Variants in THSD7B observed in about 807,000 individuals in gnomAD.
The protein encoded by THSD7B is thrombospondin type-1 domain-containing protein 7B.
Under a neutral mutation model 213.6 loss-of-function variants are expected in THSD7B, and 138 were observed. That is an observed-to-expected ratio of 0.65 (90% CI 0.56 to 0.74). The LOEUF is 0.74. Among genes scored for constraint, THSD7B ranks in the 30% least tolerant of loss-of-function variants. The probability of loss-of-function intolerance (pLI) is 0.00; values close to 1 mark genes in which losing one functional copy is unlikely to be tolerated. For missense variants in THSD7B, 1,931 were observed against 1,991.5 expected, an observed-to-expected ratio of 0.97 and a Z score of 0.58; for synonymous variants, 742 against 687.0, an observed-to-expected ratio of 1.08 and a Z score of -1.25.
intron 15 of THSD7B, among the ~76,000 whole-genome samples, chr2:137,504,526 C>T (rs1292333235): frequency 6.6e-6 from 1 of 152,134 alleles, no homozygotes; most frequent in Non-Finnish European, 1.5e-5. Flanking sequence ...GTGCTTTCAA[C>T]AAGGAAAGGT....
intron 14 of THSD7B, among the ~76,000 whole-genome samples, chr2:137,416,422 T>G (rs961715813): frequency 1.3e-5 from 2 of 152,202 alleles, no homozygotes; most frequent in Non-Finnish European, 2.9e-5. Flanking sequence ...TTGCAGGAAG[T>G]ATTTTCCTTT....
intron 2 of THSD7B, among the ~76,000 whole-genome samples, chr2:136,989,881 G>A (rs375416145): frequency 3.8e-4 from 58 of 152,322 alleles, no homozygotes; most frequent in African/African-American, 1.3e-3. Context: ...TCATTTGGAG[G>A]TGATAATGAT....
chr2:137,000,082 C>T (rs978698734), intron 2 of THSD7B, among the ~76,000 whole-genome samples: 1 of 152,132 alleles, frequency 6.6e-6, no homozygotes, highest in African/African-American at 2.4e-5. Context: ...ATCGGTTTCT[C>T]TCTGGCATGG....
chr2:137,476,760 G>T (rs1375365), intron 15 of THSD7B, among the ~76,000 whole-genome samples: 7,182 of 152,074 alleles, frequency 0.047, 228 homozygotes, highest in Non-Finnish European at 0.068. Flanking sequence ...GGCTGATTTC[G>T]AACTGCTGAC....
chr2:137,551,751 C>T (rs190311466), intron 15 of THSD7B, among the ~76,000 whole-genome samples: 6 of 152,064 alleles, frequency 3.9e-5, no homozygotes, highest in East Asian at 1.9e-4. Context: ...ACAAACCAGG[C>T]GTGATGGGAA....
intron 16 of THSD7B, among the ~76,000 whole-genome samples, chr2:137,570,771 G>A (rs1158774902): frequency 3.3e-5 from 5 of 151,942 alleles, no homozygotes; most frequent in Non-Finnish European, 7.4e-5. Context: ...AATACTTATA[G>A]TGCTAGGGAT....
intron 15 of THSD7B, among the ~76,000 whole-genome samples, chr2:137,557,069 T>C (rs1207731719): frequency 6.6e-6 from 1 of 152,122 alleles, no homozygotes; most frequent in Non-Finnish European, 1.5e-5. Context: ...ACAAAGAGAC[T>C]TAGACTCCCA....
At chr2:137,125,481 G>A (rs1009450873) in intron 5 of THSD7B, among the ~76,000 whole-genome samples, 35 of 152,270 alleles carry the variant, frequency 2.3e-4, no homozygotes, top group Non-Finnish European at 1.6e-4. Flanking sequence ...CAGCAATTCA[G>A]TCACATCTTT....
chr2:137,430,521 C>T (rs898315400), intron 14 of THSD7B, among the ~76,000 whole-genome samples: 1 of 152,170 alleles, frequency 6.6e-6, no homozygotes, highest in Non-Finnish European at 1.5e-5. Context: ...AGGAATTGCC[C>T]AAGGGCTGCC....
At chr2:136,849,558 G>C (rs1032471073) in intron 1 of THSD7B, among the ~76,000 whole-genome samples, 1 of 152,120 alleles carries the variant, frequency 6.6e-6, no homozygotes, top group East Asian at 1.9e-4. Flanking sequence ...AGGGGAACAG[G>C]GATGTCCTGT....
chr2:137,407,153 C>T (rs546461927), intron 13 of THSD7B, among the ~76,000 whole-genome samples: 2 of 152,016 alleles, frequency 1.3e-5, no homozygotes, highest in African/African-American at 4.8e-5. Flanking sequence ...ATTGAAAATC[C>T]TAGGATATTT....
chr2:137,473,095 T>C, intron 15 of THSD7B, among the ~76,000 whole-genome samples: 1 of 143,636 alleles, frequency 7.0e-6, no homozygotes, highest in Admixed American at 6.8e-5. Flanking sequence ...TATTAATTGT[T>C]TTTTTTTTTT....
chr2:136,858,393 G>T (rs1683207511), intron 1 of THSD7B, among the ~76,000 whole-genome samples: 1 of 152,158 alleles, frequency 6.6e-6, no homozygotes, highest in Non-Finnish European at 1.5e-5. Context: ...GCTCTCTTAA[G>T]TTGTTATTGC....
At chr2:136,971,928 C>T (rs1382364465) in intron 2 of THSD7B, among the ~76,000 whole-genome samples, 1 of 152,088 alleles carries the variant, frequency 6.6e-6, no homozygotes, top group African/African-American at 2.4e-5. Context: ...GCTTTATGCT[C>T]AGGCAGATAG....
In THSD7B at chr2:137,204,305, G is replaced by T. The variant is rs146069061; in HGVS notation, c.1724-26739G>T. 7.2e-5 allele frequency among the ~76,000 whole-genome samples: 11 copies of T among 152,148 alleles called. No individual in the cohort carries two copies. The East Asian group carries it at 2.1e-3, about 29-fold the overall frequency. Reference sequence around the variant, plus strand: ...TAAAGGGACAAAAAGAGCAAAATTGGGGTTTTCCCTTAGTCTTTCAGTTGA... The same window carrying T: ...TAAAGGGACAAAAAGAGCAAAATTGTGGTTTTCCCTTAGTCTTTCAGTTGA... On this transcript the variant is annotated intron_variant, in intron 7 of 27. Transcript: ENST00000409968.
intron 2 of THSD7B, among the ~76,000 whole-genome samples, chr2:136,930,398 C>T (rs559545404): frequency 4.7e-4 from 72 of 152,184 alleles, no homozygotes; most frequent in Non-Finnish European, 6.9e-4. Context: ...ATGGTTCATG[C>T]GAAGGAATAG....
At chr2:137,130,957 G>T (rs1688718821) in intron 5 of THSD7B, among the ~76,000 whole-genome samples, 1 of 151,794 alleles carries the variant, frequency 6.6e-6, no homozygotes, top group Non-Finnish European at 1.5e-5. Flanking sequence ...TCGCCACACT[G>T]ACTTCTAAAA....
intron 15 of THSD7B, 61 bp from the exon 16 acceptor site, chr2:137,563,160 G>A (rs1681157350): frequency 6.4e-7 from 1 of 1,559,198 alleles, no homozygotes; most frequent in East Asian, 2.3e-5. Flanking sequence ...CTAAAAGATA[G>A]GCTATTTTTC....
At chr2:137,117,235 T>A (rs1358375467) in intron 5 of THSD7B, among the ~76,000 whole-genome samples, 1 of 152,204 alleles carries the variant, frequency 6.6e-6, no homozygotes, top group Non-Finnish European at 1.5e-5. Context: ...TTATAAATGC[T>A]TTCACTTCTT....
Sources: allele counts gnomAD v4.1 joint callset (sites outside exome capture counted in the v4.1 genomes callset), GRCh38; gene constraint gnomAD v4.1.1; transcripts MANE v1.5; gene names NCBI Gene and HGNC (gene_info 2026-07-23, HGNC 2026-07-21).